Variants in COL25A1 observed in about 807,000 individuals in gnomAD.
The protein encoded by COL25A1 is collagen type XXV alpha 1 chain, also known as collagen alpha-1(XXV) chain.
Under a neutral mutation model 128.4 loss-of-function variants are expected in COL25A1, and 103 were observed. The observed-to-expected ratio is 0.80, with a 90% CI of 0.68 to 0.94. The LOEUF is 0.94. Among genes scored for constraint, COL25A1 ranks in the 40% least tolerant of loss-of-function variants. The probability of loss-of-function intolerance (pLI) is 0.00; values close to 1 mark genes in which losing one functional copy is unlikely to be tolerated. For missense variants in COL25A1, 745 were observed against 840.0 expected (o/e 0.89, Z 1.40); for synonymous variants, 279 against 277.2 (o/e 1.01, Z -0.06).
At position 109,178,752 on chromosome 4, in the gene COL25A1, G is replaced by A. The variant is rs544617040; in HGVS notation, c.367+121831C>T. ...CAGGAAGCTGAGGCAGGAGAATGGCGTGAACCCAGGAGGCAGACCTTGCAG... is the reference window on the plus strand; with the variant it reads ...CAGGAAGCTGAGGCAGGAGAATGGCATGAACCCAGGAGGCAGACCTTGCAG... On this transcript the variant is annotated intron_variant, in intron 3 of 37. Transcript: ENST00000399132. 6.2e-4 allele frequency among the ~76,000 whole-genome samples: 92 copies of A among 147,710 alleles called. 1 individual carries two copies. The highest frequency in any genetic ancestry group is 3.5e-3 in the Middle Eastern group (1 of 288).
At chr4:108,939,436 A>G (rs1747814323) in intron 10 of COL25A1, among the ~76,000 whole-genome samples, 1 of 152,214 alleles carries the variant, frequency 6.6e-6, no homozygotes, top group Admixed American at 6.5e-5. Context: ...ATATGGGCTT[A>G]TGAGGCTGTC....
At chr4:109,161,012 T>C (rs1350613095) in intron 3 of COL25A1, among the ~76,000 whole-genome samples, 1 of 152,206 alleles carries the variant, frequency 6.6e-6, no homozygotes, top group Non-Finnish European at 1.5e-5. Flanking sequence ...CTTTTTCTAA[T>C]TCTCTTTTGA....
intron 2 of COL25A1, 93 bp downstream of exon 2, chr4:109,301,630 T>TATGG: frequency 1.4e-6 from 2 of 1,427,842 alleles, no homozygotes; most frequent in Non-Finnish European, 1.9e-6. Context: ...CCACACCAAG[T>TATGG]ATGGGTACAG....
intron 5 of COL25A1, among the ~76,000 whole-genome samples, chr4:109,043,888 A>T (rs1398343375): frequency 6.6e-6 from 1 of 152,182 alleles, no homozygotes; most frequent in Admixed American, 6.6e-5. Flanking sequence ...CTGACAAATC[A>T]TTCTAGCAAA....
At position 108,851,034 on chromosome 4, in the gene COL25A1, G is replaced by A. The variant is rs6836836; in HGVS notation, c.1389+1202C>T. Among the ~76,000 whole-genome samples the A allele has an allele frequency of 4.6e-5, 7 of 152,028 alleles. 1 individual carries two copies. Among genetic ancestry groups the A allele is most frequent in the African/African-American group, 7.2e-5 (3 of 41,388 alleles). On this transcript the variant is annotated intron_variant, in intron 26 of 37. Coordinates refer to ENST00000399132, the MANE Select transcript of COL25A1 (RefSeq NM_198721.4). The stretch of plus-strand genomic sequence containing the variant: ...TTTGGTTCTGGAGTCTTAGTCAAGC[G>A]AGGAGGTGAAATAATGAACTTAGAC...
intron 3 of COL25A1, among the ~76,000 whole-genome samples, chr4:109,089,469 T>C (rs970600358): frequency 2.0e-5 from 3 of 152,218 alleles, no homozygotes; most frequent in Admixed American, 6.5e-5. Context: ...TGTACTCATT[T>C]TATTTACTCT....
intron 3 of COL25A1, among the ~76,000 whole-genome samples, chr4:109,161,865 A>T (rs1180026268): frequency 6.6e-6 from 1 of 152,210 alleles, no homozygotes; most frequent in Non-Finnish European, 1.5e-5. Context: ...TAGTGACTTC[A>T]CCAGGGACCG....
At chr4:109,012,482 G>A (rs754692496) in intron 5 of COL25A1, among the ~76,000 whole-genome samples, 1 of 152,184 alleles carries the variant, frequency 6.6e-6, no homozygotes. Flanking sequence ...AGGGAGAGGC[G>A]CGGGCAGGAA....
At chr4:109,090,898 T>C (rs1363154702) in intron 3 of COL25A1, among the ~76,000 whole-genome samples, 2 of 152,138 alleles carry the variant, frequency 1.3e-5, no homozygotes, top group Non-Finnish European at 2.9e-5. Context: ...TAGCCTGGGT[T>C]GAACAAAGGG....
chr4:109,153,491 T>G (rs967901458), intron 3 of COL25A1, among the ~76,000 whole-genome samples: 11 of 151,214 alleles, frequency 7.3e-5, no homozygotes, highest in Non-Finnish European at 7.4e-5. Context: ...CAAAGGGAAA[T>G]ATTTCACAAG....
chr4:109,076,458 C>T, intron 3 of COL25A1, among the ~76,000 whole-genome samples: 1 of 152,006 alleles, frequency 6.6e-6, no homozygotes, highest in East Asian at 1.9e-4. Context: ...CTGCTGATTC[C>T]TGAGACAACA....
At chr4:109,015,065 G>A (rs570692253) in intron 5 of COL25A1, among the ~76,000 whole-genome samples, 88 of 152,348 alleles carry the variant, frequency 5.8e-4, no homozygotes, top group Admixed American at 1.6e-3. Context: ...GGTTTCTGGT[G>A]ATATGGTAAT....
intron 3 of COL25A1, among the ~76,000 whole-genome samples, chr4:109,249,201 C>G (rs57173178): frequency 0.039 from 5,990 of 152,270 alleles, 404 homozygotes; most frequent in African/African-American, 0.14. Context: ...TAAATTCTTA[C>G]AGCACTCTAT....
At chr4:108,917,370 C>T (rs889951322) in intron 13 of COL25A1, among the ~76,000 whole-genome samples, 2 of 152,116 alleles carry the variant, frequency 1.3e-5, no homozygotes, top group Non-Finnish European at 2.9e-5. Flanking sequence ...TAATGGGTCG[C>T]AGAGTATAAA....
At chr4:109,155,911 C>T (rs530363423) in intron 3 of COL25A1, among the ~76,000 whole-genome samples, 6 of 152,252 alleles carry the variant, frequency 3.9e-5, no homozygotes, top group African/African-American at 1.2e-4. Context: ...AAGTAAGGTG[C>T]TTAAGGAAAA....
chr4:109,265,651 G>C (rs1781738700), intron 3 of COL25A1, among the ~76,000 whole-genome samples: 1 of 151,702 alleles, frequency 6.6e-6, no homozygotes, highest in Admixed American at 6.6e-5. Flanking sequence ...GAGAATCCCA[G>C]TGATGTCAGG....
At chr4:109,228,653 C>A (rs1183584128) in intron 3 of COL25A1, among the ~76,000 whole-genome samples, 1 of 152,160 alleles carries the variant, frequency 6.6e-6, no homozygotes, top group Non-Finnish European at 1.5e-5. Flanking sequence ...TGGATTATGA[C>A]AGGCATTGCT....
In COL25A1 at chr4:109,200,747, C is replaced by T. The variant is rs148784029; in HGVS notation, c.367+99836G>A. On this transcript the variant is annotated intron_variant, in intron 3 of 37. Coordinates refer to ENST00000399132, the MANE Select transcript of COL25A1 (RefSeq NM_198721.4). Reference sequence around the variant, plus strand: ...GATTACAGGCGTGAGCCACTGCACCCGGCCTCTCCTAACATGAATCTTCTA... The same window carrying T: ...GATTACAGGCGTGAGCCACTGCACCTGGCCTCTCCTAACATGAATCTTCTA... 7.2e-3 allele frequency among the ~76,000 whole-genome samples: 1,089 copies of T among 152,160 alleles called. 16 individuals carry two copies. Among genetic ancestry groups the T allele is most frequent in the African/African-American group, 0.024 (997 of 41,520 alleles).
intron 11 of COL25A1, among the ~76,000 whole-genome samples, chr4:108,930,976 A>T (rs1170842939): frequency 6.6e-6 from 1 of 152,212 alleles, no homozygotes; most frequent in Admixed American, 6.5e-5. Context: ...AAATATGAGA[A>T]TTTGATAAGA....
Sources: gnomAD v4.1 joint callset for allele counts (sites outside exome capture counted in the v4.1 genomes callset) on GRCh38, gnomAD v4.1.1 for gene constraint, MANE v1.5 for transcripts, NCBI Gene and HGNC (gene_info 2026-07-23, HGNC 2026-07-21) for gene names.